Variants in KIAA0319L observed in about 807,000 individuals in gnomAD.
The protein encoded by KIAA0319L is KIAA0319 like, also known as dyslexia-associated protein KIAA0319-like protein.
In KIAA0319L, 55 loss-of-function variants were observed where a neutral mutation model predicts 120.1. The ratio of observed to expected loss-of-function variants is 0.46; its 90% CI spans 0.37 to 0.57. The LOEUF (loss-of-function observed/expected upper bound fraction) is 0.57, where lower values mean the gene tolerates loss of function less well. KIAA0319L is among the 20% of genes least tolerant of loss of function. The pLI, the probability that KIAA0319L is intolerant of heterozygous loss-of-function variation, is 0.00. For missense variants in KIAA0319L, 1,049 were observed against 1,255.3 expected (o/e 0.84, Z 2.48); for synonymous variants, 398 against 471.9 (o/e 0.84, Z 2.03).
At chr1:35,492,286 C>T (rs1644625027) in intron 3 of KIAA0319L, among the ~76,000 whole-genome samples, 1 of 152,082 alleles carries the variant, frequency 6.6e-6, no homozygotes, top group African/African-American at 2.4e-5. Flanking sequence ...GAAGCTGAGG[C>T]AGGTGGATCA....
At position 35,478,975 on chromosome 1, in the gene KIAA0319L, G is replaced by A; in HGVS notation, c.904C>T (p.Pro302Ser). The stretch of plus-strand genomic sequence containing the variant: ...GAGCAAAGGTCCTTACCTGGGTATG[G>A]TGCTGAGGTGCTCTGGAAAGAGGCC... Reference protein sequence around the residue: ...PQASFQSTSAPYPVIKELVVS... With the variant: ...PQASFQSTSASYPVIKELVVS... The change falls in exon 4 of 21, where the codon CCA becomes TCA. Residue 302 changes from proline to serine, a missense_variant. Transcript: ENST00000325722. 1.2e-6 allele frequency: 2 copies of A among 1,614,022 alleles called. No homozygotes were observed. The highest frequency in any genetic ancestry group is 2.2e-5 in the East Asian group (1 of 44,886).
At chr1:35,438,081 C>T (rs181407480) in intron 20 of KIAA0319L, among the ~76,000 whole-genome samples, 94 of 152,344 alleles carry the variant, frequency 6.2e-4, no homozygotes, top group African/African-American at 1.8e-3. Flanking sequence ...TATATGTTGT[C>T]ACCAGACTGA....
At chr1:35,549,030 T>C (rs894032904) in intron 2 of KIAA0319L, among the ~76,000 whole-genome samples, 12 of 152,076 alleles carry the variant, frequency 7.9e-5, no homozygotes, top group Middle Eastern at 3.4e-3. Context: ...ACGGTTCCAG[T>C]AGCACTCTGT....
chr1:35,539,205 C>T (rs1646699600), intron 2 of KIAA0319L, among the ~76,000 whole-genome samples: 2 of 152,194 alleles, frequency 1.3e-5, no homozygotes, highest in Non-Finnish European at 2.9e-5. Context: ...GCAACCCCCA[C>T]ATGAAATACA....
chr1:35,452,491 T>C (rs1642136269), intron 12 of KIAA0319L, among the ~76,000 whole-genome samples: 1 of 152,192 alleles, frequency 6.6e-6, no homozygotes, highest in African/African-American at 2.4e-5. Flanking sequence ...GCCAGAGAAA[T>C]CTGCAGACAT....
intron 2 of KIAA0319L, among the ~76,000 whole-genome samples, chr1:35,534,586 G>A (rs1452485319): frequency 2.0e-5 from 3 of 152,088 alleles, no homozygotes; most frequent in African/African-American, 4.8e-5. Flanking sequence ...GTGGCCGGGC[G>A]CAGTGGCTCA....
intron 3 of KIAA0319L, among the ~76,000 whole-genome samples, chr1:35,488,331 GAATCTAATATTT>G (rs1644462966): frequency 6.6e-6 from 1 of 152,116 alleles, no homozygotes; most frequent in South Asian, 2.1e-4. Context: ...AAAATATTAA[GAATCTAATATTT>G]ATGGAGCTGT....
rs79155090 is a variant in KIAA0319L, at chr1:35,481,219, C to T, written c.667-2007G>A. Among the ~76,000 whole-genome samples, 915 of 152,024 alleles carry T rather than the reference C, an allele frequency of 6.0e-3. 10 individuals are homozygous for T. Among genetic ancestry groups the T allele is most frequent in the African/African-American group, 0.021 (869 of 41,434 alleles). On this transcript the variant is annotated intron_variant, in intron 3 of 20. Coordinates refer to ENST00000325722, the MANE Select transcript of KIAA0319L (RefSeq NM_024874.5). ...ACTGATGGAATTTTAAGTTGTTTTCCGTTCTTAGTTATAAAAACTGCTATG... is the reference window on the plus strand; with the variant it reads ...ACTGATGGAATTTTAAGTTGTTTTCTGTTCTTAGTTATAAAAACTGCTATG...
chr1:35,449,234 C>A (rs969651001), intron 15 of KIAA0319L, among the ~76,000 whole-genome samples: 4 of 152,182 alleles, frequency 2.6e-5, no homozygotes, highest in Admixed American at 6.5e-5. Flanking sequence ...AAAGTTAATA[C>A]CATTTCATCA....
At chr1:35,484,751 G>A (rs1299560238) in intron 3 of KIAA0319L, among the ~76,000 whole-genome samples, 6 of 127,082 alleles carry the variant, frequency 4.7e-5, no homozygotes, top group African/African-American at 1.7e-4. Flanking sequence ...CTTTGAACAC[G>A]ATTTAAGTTT....
chr1:35,481,493 T>A (rs1438680172), intron 3 of KIAA0319L, among the ~76,000 whole-genome samples: 1 of 152,192 alleles, frequency 6.6e-6, no homozygotes, highest in Non-Finnish European at 1.5e-5. Flanking sequence ...TATAAAGTAA[T>A]ATATCACTGA....
At chr1:35,496,193 G>A (rs1394236016) in intron 3 of KIAA0319L, among the ~76,000 whole-genome samples, 1 of 152,198 alleles carries the variant, frequency 6.6e-6, no homozygotes, top group Non-Finnish European at 1.5e-5. Flanking sequence ...GTCGAAATGG[G>A]TATATCACTT....
intron 20 of KIAA0319L, chr1:35,438,515 C>CTTTTTTTTTT: frequency 9.6e-6 from 1 of 103,884 alleles, no homozygotes; most frequent in Non-Finnish European, 1.9e-5. Context: ...CCACAGTTAT[C>CTTTTTTTTTT]TTTTTTTTTT....
chr1:35,456,903 A>AGAAGGAAGGAAGGAAG (rs1310936522), intron 9 of KIAA0319L, among the ~76,000 whole-genome samples: 1 of 117,486 alleles, frequency 8.5e-6, no homozygotes, highest in African/African-American at 3.8e-5. Flanking sequence ...AGGGAGGGAA[A>AGAAGGAAGGAAGGAAG]GAAGGAAGGA....
rs1456540953 is a variant in KIAA0319L, at chr1:35,557,193, C to G, written c.-29+14G>C. 5.8e-6 allele frequency: 1 copy of G among 171,114 alleles called. No individual in the cohort carries two copies. Among genetic ancestry groups the G allele is most frequent in the East Asian group, 1.9e-4 (1 of 5,280 alleles). The allele number at this position is 171,114 out of a possible 1,614,324, so 10.6% of individuals were successfully genotyped here. A position where few individuals can be genotyped will look rare whatever the true frequency, so the allele number is the denominator to read the frequency against. ...GGTCCTCGGCCTGGCAGCCAGCCGCCCCCGGCCACCTACCGGGGCTCAGGG... is the reference window on the plus strand; with the variant it reads ...GGTCCTCGGCCTGGCAGCCAGCCGCGCCCGGCCACCTACCGGGGCTCAGGG... On this transcript the variant is annotated intron_variant, in intron 1 of 20. Coordinates refer to ENST00000325722, the MANE Select transcript of KIAA0319L (RefSeq NM_024874.5).
intron 16 of KIAA0319L, among the ~76,000 whole-genome samples, chr1:35,446,180 AC>A (rs775112962): frequency 3.9e-5 from 6 of 151,944 alleles, no homozygotes; most frequent in Non-Finnish European, 7.4e-5. Flanking sequence ...TGTTCAGACA[AC>A]CTCCGCAAGA....
At chr1:35,448,029 A>T (rs1641765691) in intron 16 of KIAA0319L, 144 bp downstream of exon 16, 1 of 759,852 alleles carries the variant, frequency 1.3e-6, no homozygotes, top group Non-Finnish European at 2.2e-6. Context: ...TAGAAGACAG[A>T]AGTCTATTGA....
intron 2 of KIAA0319L, among the ~76,000 whole-genome samples, chr1:35,517,179 T>C (rs372288192): frequency 1.3e-5 from 2 of 152,034 alleles, no homozygotes; most frequent in African/African-American, 4.8e-5. Context: ...AAACTACCAA[T>C]GACATTCTTC....
Position 35,434,908 on chromosome 1 carries a change from C to T in KIAA0319L, c.3136G>A (p.Glu1046Lys). 6.2e-7 allele frequency: 1 copy of T among 1,612,606 alleles called. No individual in the cohort carries two copies. The highest frequency in any genetic ancestry group is 8.5e-7 in the Non-Finnish European group (1 of 1,179,970). ...AGACCAGGTGGCTACAGGATCTCCT[C>T]CCGCGGGCTCCTGGCCTTCAGAGGG... is the stretch of plus-strand genomic sequence containing the variant. ...QTPLKARSPREEIL is the reference protein window; with the variant it reads ...QTPLKARSPRKEIL Residue 1046 changes from glutamate (E) to lysine (K), a missense_variant, in exon 21 of 21, where the codon GAG becomes AAG. By Grantham distance (56) the Glu-to-Lys change is moderately conservative. Coordinates refer to ENST00000325722, the MANE Select transcript of KIAA0319L (RefSeq NM_024874.5).
Sources: gnomAD v4.1 joint callset for allele counts (sites outside exome capture counted in the v4.1 genomes callset) on GRCh38, gnomAD v4.1.1 for gene constraint, MANE v1.5 for transcripts, NCBI Gene and HGNC (gene_info 2026-07-23, HGNC 2026-07-21) for gene names.